CNTNAP5: variants seen among roughly 807,000 people sequenced by gnomAD.
CNTNAP5 encodes the protein contactin associated protein family member 5.
A neutral mutation model predicts 150.2 loss-of-function variants in CNTNAP5; 72 were observed. That is an observed-to-expected ratio of 0.48 (90% CI 0.40 to 0.58). The LOEUF is 0.58. Ranked by LOEUF, CNTNAP5 falls within the 20% of genes least tolerant of loss-of-function variation. The probability of loss-of-function intolerance (pLI) is 0.00; values close to 1 mark genes in which losing one functional copy is unlikely to be tolerated. For synonymous variants in CNTNAP5, 672 were observed against 619.8 expected, an observed-to-expected ratio of 1.08 and a Z score of -1.25; for missense variants, 1,636 against 1,626.2, an observed-to-expected ratio of 1.01 and a Z score of -0.10.
chr2:124,447,639 A>G (rs1337761913), intron 6 of CNTNAP5, among the ~76,000 whole-genome samples: 1 of 152,224 alleles, frequency 6.6e-6, no homozygotes, highest in African/African-American at 2.4e-5. Context: ...TTAAAGCTAC[A>G]GTGGATGAAG....
At chr2:124,702,268 A>G (rs1337944991) in intron 13 of CNTNAP5, among the ~76,000 whole-genome samples, 1 of 148,580 alleles carries the variant, frequency 6.7e-6, no homozygotes, top group Non-Finnish European at 1.5e-5. Flanking sequence ...CATCCGATTT[A>G]CATTAAGCAT....
intron 1 of CNTNAP5, among the ~76,000 whole-genome samples, chr2:124,099,468 C>T (rs1398552549): frequency 1.3e-5 from 2 of 152,214 alleles, no homozygotes; most frequent in African/African-American, 2.4e-5. Flanking sequence ...AGCACCTGCA[C>T]AGGCTGTGTC....
At chr2:124,533,763 T>G (rs35314143) in intron 10 of CNTNAP5, among the ~76,000 whole-genome samples, 1,840 of 152,232 alleles carry the variant, frequency 0.012, 26 homozygotes, top group Non-Finnish European at 0.017. Flanking sequence ...AAAGCCTTCA[T>G]GAATAACAAG....
chr2:124,483,571 G>A (rs1321298987), intron 7 of CNTNAP5, among the ~76,000 whole-genome samples: 2 of 152,124 alleles, frequency 1.3e-5, no homozygotes, highest in Non-Finnish European at 1.5e-5. Flanking sequence ...AGTGTTGAAT[G>A]TGCTGTCTGC....
chr2:124,150,496 C>T (rs1016940375), intron 1 of CNTNAP5, among the ~76,000 whole-genome samples: 1 of 152,124 alleles, frequency 6.6e-6, no homozygotes, highest in African/African-American at 2.4e-5. Context: ...ATACCATAGA[C>T]TTGTGTGGCT....
At chr2:124,433,742 A>G (rs1692451912) in intron 4 of CNTNAP5, among the ~76,000 whole-genome samples, 1 of 152,188 alleles carries the variant, frequency 6.6e-6, no homozygotes, top group South Asian at 2.1e-4. Context: ...AACACATTCC[A>G]AATAGAATCT....
chr2:124,408,296 G>T (rs1313750940), intron 3 of CNTNAP5, among the ~76,000 whole-genome samples: 1 of 151,926 alleles, frequency 6.6e-6, no homozygotes, highest in Non-Finnish European at 1.5e-5. Context: ...AGGCCGCAGC[G>T]AGGCTGGGGG....
At chr2:124,571,176 A>G (rs1207943982) in intron 11 of CNTNAP5, among the ~76,000 whole-genome samples, 1 of 152,174 alleles carries the variant, frequency 6.6e-6, no homozygotes, top group Non-Finnish European at 1.5e-5. Context: ...ACTTCAGTCT[A>G]GTTTGGGGCA....
intron 1 of CNTNAP5, among the ~76,000 whole-genome samples, chr2:124,125,107 C>T (rs1013150610): frequency 6.6e-6 from 1 of 152,162 alleles, no homozygotes; most frequent in Non-Finnish European, 1.5e-5. Flanking sequence ...AATTAAAAGA[C>T]ACAGACTGGC....
chr2:124,089,219 G>A (rs11679636), intron 1 of CNTNAP5, among the ~76,000 whole-genome samples: 53,620 of 151,712 alleles, frequency 0.35, 10,442 homozygotes, highest in Admixed American at 0.44. Flanking sequence ...ATTACTAGGC[G>A]AAAGAGGGAA....
At position 124,743,654 on chromosome 2, in the gene CNTNAP5, A is replaced by G. The variant is rs957508470; in HGVS notation, c.2078-3575A>G. On this transcript the variant is annotated intron_variant, in intron 13 of 23. Coordinates refer to ENST00000682447, the MANE Select transcript of CNTNAP5 (RefSeq NM_001367498.1). ...GGCAGCCAGCTGGGCAGGGTTTTAT[A>G]TTTATGATTCTGTGGTAGTCCAGCA... is the stretch of plus-strand genomic sequence containing the variant. Among the ~76,000 whole-genome samples, 8 of 152,210 alleles carry G rather than the reference A, an allele frequency of 5.3e-5. No homozygotes were observed. The East Asian group carries it at 1.3e-3, about 26-fold the overall frequency.
At chr2:124,227,042 C>T (rs1268655637) in intron 2 of CNTNAP5, among the ~76,000 whole-genome samples, 1 of 152,114 alleles carries the variant, frequency 6.6e-6, no homozygotes, top group African/African-American at 2.4e-5. Context: ...AATACTGCCA[C>T]ATTGGGGATT....
intron 3 of CNTNAP5, among the ~76,000 whole-genome samples, chr2:124,376,845 T>G (rs959622796): frequency 2.6e-5 from 4 of 152,068 alleles, no homozygotes; most frequent in African/African-American, 9.7e-5. Context: ...GAATTAGAGT[T>G]CTTCCATGAG....
At chr2:124,723,141 A>T (rs1680081013) in intron 13 of CNTNAP5, among the ~76,000 whole-genome samples, 1 of 152,164 alleles carries the variant, frequency 6.6e-6, no homozygotes. Flanking sequence ...TTTGCTTGAC[A>T]GTTGCTTTAA....
intron 9 of CNTNAP5, among the ~76,000 whole-genome samples, chr2:124,525,218 A>G (rs1694936201): frequency 6.6e-6 from 1 of 152,330 alleles, no homozygotes; most frequent in South Asian, 2.1e-4. Context: ...AGTTGTTTGT[A>G]TTATAGAAAC....
chr2:124,756,246 T>G (rs750314529), intron 14 of CNTNAP5, among the ~76,000 whole-genome samples: 2 of 152,158 alleles, frequency 1.3e-5, no homozygotes, highest in Non-Finnish European at 1.5e-5. Context: ...AGAATGGCTA[T>G]TAAAAAGCCA....
At chr2:124,133,900 ATAACTT>A (rs980117173) in intron 1 of CNTNAP5, among the ~76,000 whole-genome samples, 2 of 152,196 alleles carry the variant, frequency 1.3e-5, no homozygotes, top group African/African-American at 4.8e-5. Flanking sequence ...GAATGAATGA[ATAACTT>A]TAACAAAACA....
At chr2:124,318,509 T>C (rs1689021200) in intron 3 of CNTNAP5, among the ~76,000 whole-genome samples, 1 of 152,154 alleles carries the variant, frequency 6.6e-6, no homozygotes, top group South Asian at 2.1e-4. Flanking sequence ...TACTTTTTGC[T>C]CCACAGTCAG....
At chr2:124,617,796 A>G (rs1464272521) in intron 12 of CNTNAP5, among the ~76,000 whole-genome samples, 4 of 152,152 alleles carry the variant, frequency 2.6e-5, no homozygotes, top group Non-Finnish European at 5.9e-5. Flanking sequence ...TATAAGGACA[A>G]TGACAAGGTG....
Sources: gnomAD v4.1 joint callset for allele counts (sites outside exome capture counted in the v4.1 genomes callset) on GRCh38, gnomAD v4.1.1 for gene constraint, MANE v1.5 for transcripts, NCBI Gene and HGNC (gene_info 2026-07-23, HGNC 2026-07-21) for gene names.